The following FGF12 variants were observed in gnomAD, a reference collection of about 807,000 sequenced individuals.
The protein encoded by FGF12 is fibroblast growth factor 12, also known as fibroblast growth factor 12B.
FGF12 carries 14 observed loss-of-function variants against 23.6 expected under a neutral mutation model. The ratio of observed to expected loss-of-function variants is 0.59; its 90% CI spans 0.39 to 0.93. The LOEUF (loss-of-function observed/expected upper bound fraction) is 0.93, where lower values mean the gene tolerates loss of function less well. Ranked by LOEUF, FGF12 falls within the 40% of genes least tolerant of loss-of-function variation. The probability of loss-of-function intolerance (pLI) is 0.00; values close to 1 mark genes in which losing one functional copy is unlikely to be tolerated. For missense variants in FGF12, 175 were observed against 217.8 expected (o/e 0.80, Z 1.24); for synonymous variants, 62 against 77.3 (o/e 0.80, Z 1.04).
chr3:192,196,866 T>TG (rs1717094698), intron 4 of FGF12, among the ~76,000 whole-genome samples: 1 of 152,172 alleles, frequency 6.6e-6, no homozygotes. Context: ...GTATTTTTTT[T>TG]TTTCAGCAAG....
At chr3:192,492,250 A>C (rs985791533) in intron 2 of FGF12, among the ~76,000 whole-genome samples, 1 of 152,168 alleles carries the variant, frequency 6.6e-6, no homozygotes, top group Admixed American at 6.5e-5. Context: ...TTCTAGCCAA[A>C]AGATTCATAT....
At chr3:192,468,035 G>A (rs1723061022) in intron 2 of FGF12, among the ~76,000 whole-genome samples, 1 of 152,148 alleles carries the variant, frequency 6.6e-6, no homozygotes, top group African/African-American at 2.4e-5. Context: ...CAATTTCCAT[G>A]GTACACTCCC....
At chr3:192,221,271 T>C (rs1185761705) in intron 4 of FGF12, among the ~76,000 whole-genome samples, 2 of 152,180 alleles carry the variant, frequency 1.3e-5, no homozygotes, top group Non-Finnish European at 2.9e-5. Context: ...TTCTTCATGT[T>C]CCGGAGCCTT....
chr3:192,566,503 C>A lies in FGF12; in HGVS notation c.13+160678G>T, dbSNP rs143017539. Among the ~76,000 whole-genome samples, 66 of 152,268 alleles carry A rather than the reference C, an allele frequency of 4.3e-4. 1 individual carries two copies. In the East Asian group the frequency reaches 0.012, roughly 27 times the overall value. On this transcript the variant is annotated intron_variant, in intron 2 of 5. Coordinates refer to ENST00000445105, the MANE Select transcript of FGF12 (RefSeq NM_004113.6). ...GAAGCTAAAAAGACTTGGAGACTAC[C>A]TGTGGAGAGCCTGGGAAAATTTGCA... is the stretch of plus-strand genomic sequence containing the variant.
chr3:192,524,278 T>G (rs1467909839), intron 2 of FGF12, among the ~76,000 whole-genome samples: 1 of 152,228 alleles, frequency 6.6e-6, no homozygotes, highest in African/African-American at 2.4e-5. Flanking sequence ...CCCTGGAAAT[T>G]GAATTTTCTC....
At position 192,522,153 on chromosome 3, in the gene FGF12, G is replaced by A. The variant is rs562649711; in HGVS notation, c.14-161615C>T. Among the ~76,000 whole-genome samples the A allele has an allele frequency of 6.0e-5, 9 of 150,238 alleles. No individual in the cohort carries two copies. The South Asian group carries it at 1.5e-3, about 25-fold the overall frequency. On this transcript the variant is annotated intron_variant, in intron 2 of 5. Coordinates refer to ENST00000445105, the MANE Select transcript of FGF12 (RefSeq NM_004113.6). The stretch of plus-strand genomic sequence containing the variant: ...GCGGAGCTTGCAATGAGCCGAGATC[G>A]CGCCACTGCACTCCAGCCTGGGCGA...
At chr3:192,286,794 A>G (rs1207328119) in intron 4 of FGF12, among the ~76,000 whole-genome samples, 2 of 152,046 alleles carry the variant, frequency 1.3e-5, no homozygotes, top group Non-Finnish European at 2.9e-5. Context: ...ATAACACAAC[A>G]GTTCCATGAT....
chr3:192,245,372 C>T (rs1416545464), intron 4 of FGF12, among the ~76,000 whole-genome samples: 1 of 152,136 alleles, frequency 6.6e-6, no homozygotes, highest in African/African-American at 2.4e-5. Flanking sequence ...CCTGCCTTGG[C>T]CTCCCAAAAT....
In FGF12 at chr3:192,142,413, A is replaced by C. The variant is rs1713447261; in HGVS notation, c.*1596T>G. 2.0e-5 allele frequency: 3 copies of C among 152,654 alleles called. No homozygotes were observed. Among genetic ancestry groups the C allele is most frequent in the Non-Finnish European group, 1.5e-5 (1 of 67,952 alleles). The allele number at this position is 152,654 out of a possible 1,614,324, so 9.5% of individuals were successfully genotyped here. A position where few individuals can be genotyped will look rare whatever the true frequency, so the allele number is the denominator to read the frequency against. Reference sequence around the variant, plus strand: ...TGGAACAATACATGCTGGACAGTAGAGATATAGGAGAAGTTACATGCTATG... The same window carrying C: ...TGGAACAATACATGCTGGACAGTAGCGATATAGGAGAAGTTACATGCTATG... On this transcript the variant is annotated 3_prime_UTR_variant, in exon 6 of 6. Coordinates refer to ENST00000445105, the MANE Select transcript of FGF12 (RefSeq NM_004113.6).
rs1222847874 is a variant in FGF12 at position 192,588,146 on chromosome 3, C to T, written c.13+139035G>A. 2.0e-5 allele frequency among the ~76,000 whole-genome samples: 3 copies of T among 151,090 alleles called. 1 individual carries two copies. The highest frequency in any genetic ancestry group is 3.0e-5 in the Non-Finnish European group (2 of 67,702). On this transcript the variant is annotated intron_variant, in intron 2 of 5. Transcript: ENST00000445105. The stretch of plus-strand genomic sequence containing the variant: ...GAATAACCAGGTCAGGAGACCGAGA[C>T]CATCCTGGCTAACACGGTGAAACCC...
intron 3 of FGF12, among the ~76,000 whole-genome samples, chr3:192,359,027 G>A (rs969455157): frequency 1.8e-4 from 28 of 151,996 alleles, no homozygotes; most frequent in Non-Finnish European, 2.9e-4. Context: ...AGTTACAGAC[G>A]CAATAAATGA....
In FGF12 at chr3:192,139,878, A is replaced by G. The variant is rs1458087189; in HGVS notation, c.*4131T>C. On this transcript the variant is annotated 3_prime_UTR_variant, in exon 6 of 6. Coordinates refer to ENST00000445105, the MANE Select transcript of FGF12 (RefSeq NM_004113.6). The stretch of plus-strand genomic sequence containing the variant: ...AGCATCCTTTTCCTATTCTTTCACC[A>G]CAAATTCTCAATTTGATATGACTTA... The G allele has an allele frequency of 6.6e-6, 1 of 152,052 alleles. No individual in the cohort carries two copies. Among genetic ancestry groups the G allele is most frequent in the Non-Finnish European group, 1.5e-5 (1 of 67,934 alleles). The allele number at this position is 152,052 out of a possible 1,614,324, so 9.4% of individuals were successfully genotyped here. A position where few individuals can be genotyped will look rare whatever the true frequency, so the allele number is the denominator to read the frequency against.
chr3:192,718,167 T>C (rs1718922458), intron 2 of FGF12, among the ~76,000 whole-genome samples: 1 of 146,078 alleles, frequency 6.8e-6, no homozygotes, highest in Non-Finnish European at 1.5e-5. Flanking sequence ...CTTTCTTTTT[T>C]TTTTTTTTTT....
chr3:192,285,458 G>A (rs1434925177), intron 4 of FGF12, among the ~76,000 whole-genome samples: 4 of 151,746 alleles, frequency 2.6e-5, no homozygotes, highest in Admixed American at 6.6e-5. Flanking sequence ...TGCAACATGA[G>A]TAAATTAAAT....
chr3:192,621,995 T>C (rs923659813), intron 2 of FGF12, among the ~76,000 whole-genome samples: 1 of 152,182 alleles, frequency 6.6e-6, no homozygotes, highest in African/African-American at 2.4e-5. Context: ...TCTTTCCAGT[T>C]GTTGGTGAGT....
intron 2 of FGF12, among the ~76,000 whole-genome samples, chr3:192,697,597 G>C (rs533312419): frequency 6.6e-6 from 1 of 152,252 alleles, no homozygotes; most frequent in African/African-American, 2.4e-5. Context: ...GGAGAAGGTG[G>C]ACTGACTAGT....
At chr3:192,666,241 T>C (rs909846003) in intron 2 of FGF12, among the ~76,000 whole-genome samples, 4 of 152,204 alleles carry the variant, frequency 2.6e-5, no homozygotes, top group African/African-American at 9.6e-5. Flanking sequence ...TTCAACTCAG[T>C]TTTATATAGC....
intron 4 of FGF12, among the ~76,000 whole-genome samples, chr3:192,277,445 GACGGTTTTCAAGGGAA>G (rs770155679): frequency 1.3e-5 from 2 of 152,182 alleles, no homozygotes; most frequent in African/African-American, 2.4e-5. Context: ...ACACAGTAAA[GACGGTTTTCAAGGGAA>G]ACCAAAGAAT....
At chr3:192,145,996 A>C (rs1218312982) in intron 5 of FGF12, among the ~76,000 whole-genome samples, 1 of 152,180 alleles carries the variant, frequency 6.6e-6, no homozygotes, top group Non-Finnish European at 1.5e-5. Context: ...ATTTACATAA[A>C]ACTGCTCAAT....
Sources: allele counts gnomAD v4.1 joint callset (sites outside exome capture counted in the v4.1 genomes callset), GRCh38; gene constraint gnomAD v4.1.1; transcripts MANE v1.5; gene names NCBI Gene and HGNC (gene_info 2026-07-23, HGNC 2026-07-21).